CR1L: variants seen among roughly 807,000 people sequenced by gnomAD.
The protein encoded by CR1L is complement component receptor 1-like protein.
Under a neutral mutation model 62.3 loss-of-function variants are expected in CR1L, and 59 were observed. The ratio of observed to expected loss-of-function variants is 0.95; its 90% confidence interval spans 0.77 to 1.18. CR1L has a LOEUF of 1.18. Ranked by LOEUF, CR1L falls within the 50% of genes most tolerant of loss-of-function variation. The pLI is 0.00. For synonymous variants in CR1L, 279 were observed against 248.7 expected (o/e 1.12, Z -1.15); for missense variants, 700 against 702.8 (o/e 1.00, Z 0.04).
At chr1:207,708,769 T>C (rs764665322) in intron 10 of CR1L, 32 of 454,490 alleles carry the variant, frequency 7.0e-5, no homozygotes, top group African/African-American at 1.0e-4. Flanking sequence ...TGCAAGCTAA[T>C]AAGGAATATA....
At position 207,678,254 on chromosome 1, in the gene CR1L, G is replaced by C. The variant is rs374279462; in HGVS notation, c.334G>C (p.Asp112His). The stretch of plus-strand genomic sequence containing the variant: ...GAATGGCATGGCACATGTGATCAAA[G>C]ACATCCAGTTCAGATCCCAAATTAA... ...PVNGMAHVIK[D>H]IQFRSQIKYS... The change falls in exon 3 of 12, where the codon GAC (aspartate) becomes CAC (histidine). Residue 112 changes from aspartate to histidine, a missense_variant. Transcript: ENST00000508064. 1.2e-6 allele frequency: 2 copies of C among 1,613,574 alleles called. No individual in the cohort carries two copies. The highest frequency in any genetic ancestry group is 1.7e-6 in the Non-Finnish European group (2 of 1,179,610).
At chr1:207,645,359 C>T (rs755029265) in intron 1 of CR1L, 29 bp downstream of exon 1, 1 of 1,610,472 alleles carries the variant, frequency 6.2e-7, no homozygotes, top group Non-Finnish European at 8.5e-7. Context: ...TTCGCGCGTC[C>T]GCGGCGAGGC....
intron 9 of CR1L, 97 bp downstream of exon 9, chr1:207,701,715 G>A (rs1199938879): frequency 6.7e-7 from 1 of 1,489,432 alleles, no homozygotes; most frequent in Admixed American, 1.8e-5. Context: ...GTTGCCACCT[G>A]CTCTTGAGAG....
chr1:207,653,545 A>T (rs1663262008), intron 1 of CR1L, among the ~76,000 whole-genome samples: 1 of 152,210 alleles, frequency 6.6e-6, no homozygotes, highest in African/African-American at 2.4e-5. Context: ...GCCAACTAAA[A>T]ATATGCTTGT....
At chr1:207,713,705 C>G (rs1358284680) in intron 10 of CR1L, among the ~76,000 whole-genome samples, 1 of 152,266 alleles carries the variant, frequency 6.6e-6, no homozygotes, top group African/African-American at 2.4e-5. Flanking sequence ...CTGGACCAGG[C>G]ATGTCACACT....
chr1:207,680,288 A>AT (rs552371659), intron 3 of CR1L, among the ~76,000 whole-genome samples: 2 of 151,554 alleles, frequency 1.3e-5, no homozygotes, highest in African/African-American at 2.4e-5. Flanking sequence ...CACAAAGTCT[A>AT]TTTTTTTTTA....
At chr1:207,710,533 A>G in intron 10 of CR1L, 1 of 1,609,238 alleles carries the variant, frequency 6.2e-7, no homozygotes, top group South Asian at 1.1e-5. Context: ...AGCCCTCCAT[A>G]TACTGCACCA....
In CR1L at chr1:207,677,474, G is replaced by C; in HGVS notation, c.183G>C (p.Leu61=). 6.2e-7 allele frequency: 1 copy of C among 1,613,826 alleles called. No individual in the cohort carries two copies. ...DDFEFPIGTY[L]NYECRPGYSG... is the part of the protein sequence containing the mutation. ...TTGAGTTTCCCATTGGGACATATCTGAACTATGAATGCCGCCCTGGTTATT... is the reference window on the plus strand; with the variant it reads ...TTGAGTTTCCCATTGGGACATATCTCAACTATGAATGCCGCCCTGGTTATT... Residue 61 remains leucine, a synonymous_variant, in exon 2 of 12, where the codon CTG becomes CTC. Transcript: ENST00000508064.
intron 8 of CR1L, 125 bp from the exon 9 acceptor site, chr1:207,701,394 C>T (rs34828104): frequency 7.8e-7 from 1 of 1,280,926 alleles, no homozygotes; most frequent in Non-Finnish European, 1.1e-6. Context: ...TCTCAAGGTG[C>T]CAAAATCTGT....
At chr1:207,705,554 G>A (rs1188544201) in intron 9 of CR1L, among the ~76,000 whole-genome samples, 1 of 152,186 alleles carries the variant, frequency 6.6e-6, no homozygotes, top group Non-Finnish European at 1.5e-5. Flanking sequence ...AGCTTGTGGT[G>A]TCCAGCATAT....
At chr1:207,660,213 G>T (rs936252335) in intron 1 of CR1L, among the ~76,000 whole-genome samples, 1 of 152,242 alleles carries the variant, frequency 6.6e-6, no homozygotes, top group African/African-American at 2.4e-5. Flanking sequence ...CGGACAGACT[G>T]CCTCCCCAAG....
At chr1:207,663,121 G>T (rs1040789903) in intron 1 of CR1L, among the ~76,000 whole-genome samples, 6 of 152,188 alleles carry the variant, frequency 3.9e-5, no homozygotes, top group African/African-American at 1.4e-4. Flanking sequence ...TAGTCTGCCC[G>T]TTCTCAGATC....
intron 4 of CR1L, among the ~76,000 whole-genome samples, chr1:207,687,013 TA>T (rs1663921516): frequency 6.6e-6 from 1 of 152,262 alleles, no homozygotes; most frequent in African/African-American, 2.4e-5. Flanking sequence ...AACCAGTTTA[TA>T]GTATTTTGTT....
chr1:207,704,204 G>A (rs572776487), intron 9 of CR1L, among the ~76,000 whole-genome samples: 5 of 152,316 alleles, frequency 3.3e-5, no homozygotes, highest in South Asian at 2.1e-4. Flanking sequence ...AGACTTCAGC[G>A]GAGGAAATAA....
At chr1:207,681,553 T>C (rs1217820093) in intron 3 of CR1L, among the ~76,000 whole-genome samples, 1 of 152,238 alleles carries the variant, frequency 6.6e-6, no homozygotes, top group East Asian at 1.9e-4. Flanking sequence ...AAAATATTCT[T>C]CTATCTGTTC....
chr1:207,655,158 A>G, intron 1 of CR1L: 1 of 524,278 alleles, frequency 1.9e-6, no homozygotes, highest in African/African-American at 1.9e-5. Context: ...TAATTGCTAT[A>G]CAAAACAGTA....
intron 1 of CR1L, among the ~76,000 whole-genome samples, chr1:207,646,398 A>G: frequency 6.6e-6 from 1 of 152,120 alleles, no homozygotes; most frequent in Non-Finnish European, 1.5e-5. Context: ...ATTTCATTGA[A>G]TGGAATCAAT....
At chr1:207,663,107 G>C (rs1663451780) in intron 1 of CR1L, among the ~76,000 whole-genome samples, 1 of 152,230 alleles carries the variant, frequency 6.6e-6, no homozygotes, top group Non-Finnish European at 1.5e-5. Context: ...CCCACTTGAG[G>C]AGGTAGTCTG....
At chr1:207,719,822 A>G (rs1433281678) in intron 11 of CR1L, among the ~76,000 whole-genome samples, 1 of 152,202 alleles carries the variant, frequency 6.6e-6, no homozygotes, top group African/African-American at 2.4e-5. Context: ...TTATAGGTGT[A>G]GAAACTGAGA....
Sources: allele counts gnomAD v4.1 joint callset (sites outside exome capture counted in the v4.1 genomes callset), GRCh38; gene constraint gnomAD v4.1.1; transcripts MANE v1.5; gene names NCBI Gene and HGNC (gene_info 2026-07-23, HGNC 2026-07-21).